TIAM2: variants seen among roughly 807,000 people sequenced by gnomAD.
The protein encoded by TIAM2 is TIAM Rac1 associated GEF 2.
In TIAM2, 80 loss-of-function variants were observed where a neutral mutation model predicts 152.9. The observed-to-expected ratio is 0.52, with a 90% CI of 0.44 to 0.63. The LOEUF (loss-of-function observed/expected upper bound fraction) is 0.63, where lower values mean the gene tolerates loss of function less well. Among genes scored for constraint, TIAM2 ranks in the 30% least tolerant of loss-of-function variants. The pLI is 0.00. For missense variants in TIAM2, 1,965 were observed against 2,120.1 expected (o/e 0.93, Z 1.44); for synonymous variants, 804 against 838.0 (o/e 0.96, Z 0.70).
At chr6:155,182,605 G>C (rs539202695) in intron 13 of TIAM2, among the ~76,000 whole-genome samples, 2 of 152,176 alleles carry the variant, frequency 1.3e-5, no homozygotes, top group Non-Finnish European at 2.9e-5. Flanking sequence ...CGTAAAAAAG[G>C]ACAGAGAGAG....
intron 6 of TIAM2, among the ~76,000 whole-genome samples, chr6:155,147,708 C>A (rs1779849039): frequency 6.6e-6 from 1 of 152,220 alleles, no homozygotes; most frequent in Non-Finnish European, 1.5e-5. Context: ...TGGTCTCGAA[C>A]TCCTGACCTC....
chr6:155,202,419 T>G (rs922413766), intron 14 of TIAM2, among the ~76,000 whole-genome samples: 7 of 152,104 alleles, frequency 4.6e-5, no homozygotes, highest in African/African-American at 7.2e-5. Context: ...TTAAATTTAT[T>G]TAGAAGAAAT....
intron 1 of TIAM2, among the ~76,000 whole-genome samples, chr6:155,073,382 C>CT (rs1777885234): frequency 6.6e-6 from 1 of 151,994 alleles, no homozygotes; most frequent in African/African-American, 2.4e-5. Context: ...AGGCTGGTCT[C>CT]TAACTCCTGA....
At chr6:155,019,913 C>T (rs1254746113) in intron 1 of TIAM2, among the ~76,000 whole-genome samples, 4 of 152,096 alleles carry the variant, frequency 2.6e-5, no homozygotes, top group East Asian at 1.9e-4. Flanking sequence ...ATTAGCCAGG[C>T]GTGGTGCTGG....
At chr6:155,070,046 A>G (rs971954946) in intron 1 of TIAM2, among the ~76,000 whole-genome samples, 3 of 148,770 alleles carry the variant, frequency 2.0e-5, no homozygotes, top group Non-Finnish European at 3.0e-5. Flanking sequence ...AGCTGGGATT[A>G]CAGGCGTCTA....
chr6:155,061,239 A>G (rs578090816), intron 1 of TIAM2, among the ~76,000 whole-genome samples: 2 of 147,626 alleles, frequency 1.4e-5, no homozygotes, highest in African/African-American at 5.4e-5. Context: ...ACATGTTCAT[A>G]ATGATATCAC....
intron 1 of TIAM2, among the ~76,000 whole-genome samples, chr6:155,057,013 CTTTCTTTT>C (rs1250425596): frequency 2.5e-5 from 1 of 40,424 alleles, no homozygotes; most frequent in African/African-American, 8.1e-5. Context: ...CCTCAGTTTT[CTTTCTTTT>C]TTTTTTTTTT....
chr6:155,244,512 G>C lies in TIAM2; in HGVS notation c.3418-146G>C. 3 of 948,622 alleles carry C rather than the reference G, an allele frequency of 3.2e-6. No individual in the cohort carries two copies. The Admixed American group carries it at 7.2e-5, about 23-fold the overall frequency. The allele number at this position is 948,622 out of a possible 1,614,324, so 58.8% of individuals were successfully genotyped here. A position where few individuals can be genotyped will look rare whatever the true frequency, so the allele number is the denominator to read the frequency against. ...CTATGTATAAGCCATATCCCATAAT[G>C]AATGTGCTGTCTTCTTAAAGGATTT... On this transcript the variant is annotated intron_variant, in intron 17 of 26. Coordinates refer to ENST00000682666, the MANE Select transcript of TIAM2 (RefSeq NM_012454.4).
At chr6:155,190,767 G>C (rs9480081) in intron 14 of TIAM2, among the ~76,000 whole-genome samples, 1 of 151,936 alleles carries the variant, frequency 6.6e-6, no homozygotes, top group Non-Finnish European at 1.5e-5. Flanking sequence ...CCGGCTCTCT[G>C]TGAAGCAGTA....
chr6:155,172,686 A>ATTTTTTTTTT (rs113165280), intron 9 of TIAM2, among the ~76,000 whole-genome samples: 1 of 19,640 alleles, frequency 5.1e-5, no homozygotes, highest in South Asian at 3.4e-3. Context: ...ATATATATAT[A>ATTTTTTTTTT]TTTTTTTTTT....
chr6:155,064,821 C>T (rs1466818383), intron 1 of TIAM2, among the ~76,000 whole-genome samples: 1 of 152,130 alleles, frequency 6.6e-6, no homozygotes, highest in African/African-American at 2.4e-5. Flanking sequence ...CTCCCTTTCC[C>T]TTCCCTCCTC....
At position 155,181,815 on chromosome 6, in the gene TIAM2, C is replaced by T. The variant is rs1457567410; in HGVS notation, c.2708-411C>T. On this transcript the variant is annotated intron_variant, in intron 12 of 26. Coordinates refer to ENST00000682666, the MANE Select transcript of TIAM2 (RefSeq NM_012454.4). Reference sequence around the variant, plus strand: ...ACTGACATATTTTACTTAGCATATTCTCCTCAAAGTTCACCCAAATTGTAG... The same window carrying T: ...ACTGACATATTTTACTTAGCATATTTTCCTCAAAGTTCACCCAAATTGTAG... 2.0e-5 allele frequency among the ~76,000 whole-genome samples: 3 copies of T among 152,310 alleles called. No homozygotes were observed. In the East Asian group the frequency reaches 5.8e-4, roughly 29 times the overall value.
At chr6:155,192,321 A>G (rs1781225657) in intron 14 of TIAM2, among the ~76,000 whole-genome samples, 1 of 152,184 alleles carries the variant, frequency 6.6e-6, no homozygotes, top group Non-Finnish European at 1.5e-5. Context: ...TGAAAAAAAA[A>G]CAACACAGTT....
At position 155,179,272 on chromosome 6, in the gene TIAM2, A is replaced by G. The variant is rs1328343339; in HGVS notation, c.2629-106A>G. On this transcript the variant is annotated intron_variant, in intron 11 of 26. Coordinates refer to ENST00000682666, the MANE Select transcript of TIAM2 (RefSeq NM_012454.4). Reference sequence around the variant, plus strand: ...TAGTTTGGAAACAGTCTCTATATAAACGGTATCTTAACAGCTTTCTTGTTT... The same window carrying G: ...TAGTTTGGAAACAGTCTCTATATAAGCGGTATCTTAACAGCTTTCTTGTTT... 1.5e-5 allele frequency: 21 copies of G among 1,430,902 alleles called. No homozygotes were observed. The South Asian group carries it at 2.1e-4, about 14-fold the overall frequency. The allele number at this position is 1,430,902 out of a possible 1,614,324, so 88.6% of individuals were successfully genotyped here.
At chr6:154,999,448 C>G (rs1292721525) in intron 1 of TIAM2, among the ~76,000 whole-genome samples, 1 of 152,258 alleles carries the variant, frequency 6.6e-6, no homozygotes, top group East Asian at 1.9e-4. Context: ...CTCAGGTGAT[C>G]CACCTGCCTC....
At chr6:155,126,177 G>A (rs75615657) in intron 2 of TIAM2, among the ~76,000 whole-genome samples, 1,611 of 152,330 alleles carry the variant, frequency 0.011, 22 homozygotes, top group African/African-American at 0.037. Context: ...CTGCTACCAC[G>A]TGGATGAAAC....
intron 15 of TIAM2, among the ~76,000 whole-genome samples, chr6:155,234,332 C>G (rs983531008): frequency 3.9e-5 from 6 of 152,232 alleles, no homozygotes; most frequent in African/African-American, 1.2e-4. Context: ...TAGAGCCTCA[C>G]TCTGTCACTC....
intron 2 of TIAM2, among the ~76,000 whole-genome samples, chr6:155,094,059 G>A (rs546254433): frequency 1.3e-5 from 2 of 152,302 alleles, no homozygotes; most frequent in South Asian, 4.1e-4. Flanking sequence ...GGATCACTGT[G>A]TTAACTAAAT....
intron 1 of TIAM2, among the ~76,000 whole-genome samples, chr6:155,006,435 G>A (rs551383449): frequency 1.3e-5 from 2 of 151,642 alleles, no homozygotes; most frequent in African/African-American, 2.4e-5. Flanking sequence ...TTGGGAGGCT[G>A]AGGTGGGTGG....
Sources: allele counts gnomAD v4.1 joint callset (sites outside exome capture counted in the v4.1 genomes callset), GRCh38; gene constraint gnomAD v4.1.1; transcripts MANE v1.5; gene names NCBI Gene and HGNC (gene_info 2026-07-23, HGNC 2026-07-21).